The following POFUT3 variants were observed in gnomAD, a reference collection of about 807,000 sequenced individuals.
POFUT3 encodes the protein protein O-fucosyltransferase 3.
chr8:33,371,395 G>A, the POFUT3 span: 1 of 152,182 alleles, frequency 6.6e-6, no homozygotes, highest in African/African-American at 2.4e-5. Context: ...AATACAATGA[G>A]AGCTGATGCT....
the POFUT3 span, among the ~76,000 whole-genome samples, chr8:33,318,321 G>C: frequency 3.3e-5 from 5 of 150,654 alleles, no homozygotes; most frequent in African/African-American, 1.2e-4. Context: ...AAAAGCTCAG[G>C]CTAGAAATAA....
chr8:33,472,101 G>C, the POFUT3 span, among the ~76,000 whole-genome samples: 1 of 152,210 alleles, frequency 6.6e-6, no homozygotes, highest in Non-Finnish European at 1.5e-5. Flanking sequence ...TTGGTCGTGA[G>C]TTTCCTGGGT....
At chr8:33,453,290 C>T in the POFUT3 span, 226 of 1,614,094 alleles carry the variant, frequency 1.4e-4, no homozygotes, top group Non-Finnish European at 1.8e-4. Flanking sequence ...AGCATCTGCT[C>T]CACATTGGCC....
At chr8:33,448,906 C>T in the POFUT3 span, among the ~76,000 whole-genome samples, 1 of 152,026 alleles carries the variant, frequency 6.6e-6, no homozygotes, top group Non-Finnish European at 1.5e-5. Context: ...TGTACTCCAG[C>T]CTGGGTGACA....
the POFUT3 span, among the ~76,000 whole-genome samples, chr8:33,316,039 A>G: frequency 6.6e-6 from 1 of 152,126 alleles, no homozygotes; most frequent in African/African-American, 2.4e-5. Flanking sequence ...GAACACCTGG[A>G]TCTACCTGGA....
At chr8:33,465,639 T>C in the POFUT3 span, among the ~76,000 whole-genome samples, 2 of 152,094 alleles carry the variant, frequency 1.3e-5, no homozygotes, top group African/African-American at 4.8e-5. Flanking sequence ...ATTTTTCTAT[T>C]TGTAGTAGAG....
the POFUT3 span, among the ~76,000 whole-genome samples, chr8:33,318,011 T>C: frequency 1.3e-5 from 2 of 152,148 alleles, no homozygotes; most frequent in Non-Finnish European, 2.9e-5. Flanking sequence ...GTGAATAAAA[T>C]GCCAATTTCA....
chr8:33,341,862 C>A, the POFUT3 span, among the ~76,000 whole-genome samples: 2 of 151,994 alleles, frequency 1.3e-5, no homozygotes, highest in South Asian at 2.1e-4. Flanking sequence ...AGTTCAAGAC[C>A]AGCCTGGGCA....
the POFUT3 span, among the ~76,000 whole-genome samples, chr8:33,357,961 A>G: frequency 2.6e-5 from 4 of 152,192 alleles, no homozygotes; most frequent in Non-Finnish European, 5.9e-5. Flanking sequence ...ATTCTACAAG[A>G]CAAGGCTGGG....
the POFUT3 span, among the ~76,000 whole-genome samples, chr8:33,335,150 T>C: frequency 7.2e-6 from 1 of 138,866 alleles, no homozygotes; most frequent in African/African-American, 3.0e-5. Flanking sequence ...AAAAGAAATA[T>C]ATGTGTGTGT....
At chr8:33,324,451 G>A in the POFUT3 span, among the ~76,000 whole-genome samples, 6 of 152,016 alleles carry the variant, frequency 3.9e-5, no homozygotes, top group African/African-American at 1.5e-4. Context: ...CAAATGTCCA[G>A]CCAAAACTCA....
the POFUT3 span, among the ~76,000 whole-genome samples, chr8:33,337,392 G>A: frequency 6.6e-6 from 1 of 152,128 alleles, no homozygotes; most frequent in South Asian, 2.1e-4. Flanking sequence ...TATAAATGTA[G>A]TAGACTGACT....
At chr8:33,372,505 C>A in the POFUT3 span, 1 of 1,525,558 alleles carries the variant, frequency 6.6e-7, no homozygotes, top group South Asian at 1.3e-5. Context: ...CTATTATGTT[C>A]AAATATTAAG....
the POFUT3 span, among the ~76,000 whole-genome samples, chr8:33,427,336 G>A: frequency 6.6e-6 from 1 of 152,112 alleles, no homozygotes; most frequent in Non-Finnish European, 1.5e-5. Context: ...CCAGCATTTT[G>A]GGAGGCCGAG....
At chr8:33,422,515 A>G in the POFUT3 span, among the ~76,000 whole-genome samples, 1 of 129,656 alleles carries the variant, frequency 7.7e-6, no homozygotes, top group Non-Finnish European at 1.6e-5. Context: ...ATTGCACTCC[A>G]GCCTGGGCAA....
the POFUT3 span, among the ~76,000 whole-genome samples, chr8:33,338,065 T>C: frequency 1.3e-5 from 2 of 152,186 alleles, no homozygotes; most frequent in Admixed American, 1.3e-4. Flanking sequence ...TGTCCTAATC[T>C]CTTCTTATAA....
At chr8:33,379,284 C>A in the POFUT3 span, among the ~76,000 whole-genome samples, 1 of 151,954 alleles carries the variant, frequency 6.6e-6, no homozygotes, top group South Asian at 2.1e-4. Flanking sequence ...CATCCCTCCT[C>A]CCCAACCCAC....
the POFUT3 span, among the ~76,000 whole-genome samples, chr8:33,350,556 G>A: frequency 6.6e-6 from 1 of 152,096 alleles, no homozygotes; most frequent in African/African-American, 2.4e-5. Flanking sequence ...CTATTGAGTG[G>A]GATTGATTGA....
the POFUT3 span, among the ~76,000 whole-genome samples, chr8:33,462,701 A>G: frequency 6.6e-6 from 1 of 152,154 alleles, no homozygotes; most frequent in African/African-American, 2.4e-5. Flanking sequence ...AGGCCAAGGC[A>G]GGAGGATGGC....
Sources: allele counts gnomAD v4.1 joint callset (sites outside exome capture counted in the v4.1 genomes callset), GRCh38; gene constraint gnomAD v4.1.1; transcripts MANE v1.5; gene names NCBI Gene and HGNC (gene_info 2026-07-23, HGNC 2026-07-21).